CGGBP1: variants seen among roughly 807,000 people sequenced by gnomAD.
The protein encoded by CGGBP1 is CGG triplet repeat-binding protein 1.
A neutral mutation model predicts 11.4 loss-of-function variants in CGGBP1; 4 were observed. That is an observed-to-expected ratio of 0.35 (90% confidence interval 0.17 to 0.80). The LOEUF (loss-of-function observed/expected upper bound fraction) is 0.80, where lower values mean the gene tolerates loss of function less well. Ranked by LOEUF, CGGBP1 falls within the 30% of genes least tolerant of loss-of-function variation. CGGBP1 has a pLI of 0.52. For synonymous variants in CGGBP1, 76 were observed against 74.1 expected (o/e 1.03, Z -0.13); for missense variants, 135 against 202.1 (o/e 0.67, Z 2.01).
intron 2 of CGGBP1, among the ~76,000 whole-genome samples, chr3:88,102,648 C>G (rs922408619): frequency 3.3e-5 from 5 of 152,020 alleles, no homozygotes; most frequent in African/African-American, 4.8e-5. Flanking sequence ...TAGAATAGTG[C>G]AAGAATTTGA....
At chr3:88,083,700 G>C (rs1031343564) in intron 2 of CGGBP1, among the ~76,000 whole-genome samples, 4 of 152,090 alleles carry the variant, frequency 2.6e-5, no homozygotes, top group Non-Finnish European at 5.9e-5. Context: ...ACTGTAGTAA[G>C]AGTGGGTTTT....
At chr3:88,121,109 A>T (rs1705743390) in intron 2 of CGGBP1, among the ~76,000 whole-genome samples, 1 of 151,798 alleles carries the variant, frequency 6.6e-6, no homozygotes, top group Admixed American at 6.6e-5. Context: ...AATAAATAAT[A>T]AATCCAAACA....
chr3:88,140,141 G>A, intron 2 of CGGBP1: 2 of 1,613,892 alleles, frequency 1.2e-6, no homozygotes, highest in Non-Finnish European at 1.7e-6. Context: ...ATTGCAACGA[G>A]TCGTTTAAGC....
intron 2 of CGGBP1, among the ~76,000 whole-genome samples, chr3:88,107,196 T>C (rs1704795826): frequency 6.6e-6 from 1 of 152,240 alleles, no homozygotes; most frequent in Admixed American, 6.5e-5. Flanking sequence ...ATATACTTTA[T>C]CTTCCTCCAG....
At chr3:88,090,532 T>A (rs976928391) in intron 2 of CGGBP1, among the ~76,000 whole-genome samples, 1 of 151,320 alleles carries the variant, frequency 6.6e-6, no homozygotes, top group African/African-American at 2.4e-5. Flanking sequence ...GTAAAAAGTT[T>A]ATAAAGGTTA....
At chr3:88,094,787 T>C (rs1333877960) in intron 2 of CGGBP1, among the ~76,000 whole-genome samples, 1 of 152,040 alleles carries the variant, frequency 6.6e-6, no homozygotes, top group Non-Finnish European at 1.5e-5. Context: ...GAGCTGAACT[T>C]TTTTTTCTTT....
At chr3:88,056,185 T>C in intron 3 of CGGBP1, 186 bp from the exon 4 acceptor site, 1 of 490,934 alleles carries the variant, frequency 2.0e-6, no homozygotes, top group Middle Eastern at 5.2e-4. Flanking sequence ...TAGAACAAGT[T>C]ACTAACCAGT....
At chr3:88,064,485 G>T (rs1163831207) in intron 2 of CGGBP1, among the ~76,000 whole-genome samples, 1 of 152,132 alleles carries the variant, frequency 6.6e-6, no homozygotes, top group African/African-American at 2.4e-5. Flanking sequence ...GGATCTGGGG[G>T]AGATTTTGAA....
intron 2 of CGGBP1, among the ~76,000 whole-genome samples, chr3:88,125,964 T>C (rs1314962711): frequency 6.6e-6 from 1 of 152,196 alleles, no homozygotes; most frequent in Non-Finnish European, 1.5e-5. Flanking sequence ...TTAAAGCCTA[T>C]TTGTGTTCAT....
chr3:88,059,851 C>G (rs369190713), upstream of CGGBP1, among the ~76,000 whole-genome samples: 1 of 152,118 alleles, frequency 6.6e-6, no homozygotes, highest in African/African-American at 2.4e-5. Context: ...TGTTTCCTAC[C>G]CTGGTCTTTC....
At chr3:88,101,724 T>C (rs922051363) in intron 2 of CGGBP1, among the ~76,000 whole-genome samples, 3 of 152,292 alleles carry the variant, frequency 2.0e-5, no homozygotes, top group Non-Finnish European at 2.9e-5. Context: ...GATTAGTTTA[T>C]GTTTAGCGTT....
upstream of CGGBP1, chr3:88,059,650 C>A: frequency 8.0e-7 from 1 of 1,256,504 alleles, no homozygotes; most frequent in Non-Finnish European, 1.0e-6. Context: ...CCCTCCTCCA[C>A]TTATCCGGCT....
At chr3:88,120,839 A>T (rs572065810) in intron 2 of CGGBP1, among the ~76,000 whole-genome samples, 3 of 152,052 alleles carry the variant, frequency 2.0e-5, no homozygotes, top group Non-Finnish European at 4.4e-5. Flanking sequence ...TTTTTGAAAA[A>T]TTTTCAAAAT....
chr3:88,142,883 A>T (rs1171746860), intron 1 of CGGBP1: 2 of 152,284 alleles, frequency 1.3e-5, no homozygotes, highest in African/African-American at 4.8e-5. Flanking sequence ...TAACTTAATA[A>T]AGTGTTAAAA....
intron 2 of CGGBP1, among the ~76,000 whole-genome samples, chr3:88,108,422 T>C (rs966518121): frequency 3.3e-5 from 5 of 152,216 alleles, no homozygotes; most frequent in Non-Finnish European, 5.9e-5. Context: ...TCTTTAGTTT[T>C]GTCTGTACAA....
intron 2 of CGGBP1, among the ~76,000 whole-genome samples, chr3:88,094,511 T>C (rs902480746): frequency 2.0e-5 from 3 of 152,170 alleles, no homozygotes; most frequent in African/African-American, 7.2e-5. Context: ...TCTAGAGGGC[T>C]GTAGATGTGT....
chr3:88,075,234 G>A (rs1280201523), intron 2 of CGGBP1, among the ~76,000 whole-genome samples: 1 of 152,142 alleles, frequency 6.6e-6, no homozygotes, highest in Non-Finnish European at 1.5e-5. Flanking sequence ...CTGTTATAAA[G>A]AGCATATCAC....
chr3:88,113,199 A>G, intron 2 of CGGBP1: 2 of 1,526,110 alleles, frequency 1.3e-6, no homozygotes, highest in Non-Finnish European at 1.8e-6. Flanking sequence ...CATTCCAGGT[A>G]AAAAACAGTT....
chr3:88,100,527 A>T (rs1704349709), intron 2 of CGGBP1, among the ~76,000 whole-genome samples: 1 of 152,208 alleles, frequency 6.6e-6, no homozygotes, highest in South Asian at 2.1e-4. Flanking sequence ...TTATTGCAGC[A>T]CTATTCACAA....
Sources: gnomAD v4.1 joint callset for allele counts (sites outside exome capture counted in the v4.1 genomes callset) on GRCh38, gnomAD v4.1.1 for gene constraint, MANE v1.5 for transcripts, NCBI Gene and HGNC (gene_info 2026-07-23, HGNC 2026-07-21) for gene names.